Variants in STAG1 observed in about 807,000 individuals in gnomAD.
The protein encoded by STAG1 is STAG1 cohesin complex component.
Under a neutral mutation model 170.9 loss-of-function variants are expected in STAG1, and 26 were observed. The observed-to-expected ratio is 0.15, with a 90% CI of 0.11 to 0.21. The LOEUF (loss-of-function observed/expected upper bound fraction) is 0.21. Among genes scored for constraint, STAG1 ranks in the 10% least tolerant of loss-of-function variants. The pLI, the probability that STAG1 is intolerant of heterozygous loss-of-function variation, is 1.00. For missense variants in STAG1, 964 were observed against 1,509.5 expected (o/e 0.64, Z 5.99); for synonymous variants, 514 against 497.7 (o/e 1.03, Z -0.44).
At chr3:136,340,311 G>C (rs1417083644) in intron 32 of STAG1, among the ~76,000 whole-genome samples, 180 bp downstream of exon 32, 1 of 152,046 alleles carries the variant, frequency 6.6e-6, no homozygotes, top group Non-Finnish European at 1.5e-5. Flanking sequence ...TAGTAGAGAC[G>C]GGGTTTCTCC....
At chr3:136,467,301 G>A (rs528040760) in intron 12 of STAG1, among the ~76,000 whole-genome samples, 18 of 152,138 alleles carry the variant, frequency 1.2e-4, no homozygotes, top group Non-Finnish European at 2.2e-4. Flanking sequence ...GCAAAATAAA[G>A]GGATGGAGGA....
At chr3:136,501,497 T>C (rs1403746395) in intron 8 of STAG1, among the ~76,000 whole-genome samples, 1 of 152,116 alleles carries the variant, frequency 6.6e-6, no homozygotes, top group East Asian at 1.9e-4. Context: ...AAGAATGTCA[T>C]GCAAAGATTG....
chr3:136,707,967 G>A (rs1943272052), intron 1 of STAG1, among the ~76,000 whole-genome samples: 1 of 152,076 alleles, frequency 6.6e-6, no homozygotes, highest in African/African-American at 2.4e-5. Flanking sequence ...ATAGCAGGCG[G>A]CTATATTTTT....
chr3:136,500,555 G>A (rs1490669821), intron 8 of STAG1, among the ~76,000 whole-genome samples: 1 of 152,180 alleles, frequency 6.6e-6, no homozygotes, highest in Non-Finnish European at 1.5e-5. Flanking sequence ...GTATAGCTAA[G>A]TGTGGTCAGA....
chr3:136,363,447 A>G lies in STAG1; in HGVS notation c.2706T>C (p.Asp902=), dbSNP rs1230875556. ...HYMKYYNDYG[D]IIKETLSKTR... ...TTTTACTCAGTGTTTCCTTAATAAT[A>G]TCACCATAGTCATTGTAATACTGTG... Residue 902 remains aspartate (D), a synonymous_variant, in exon 26 of 34, where the codon GAT becomes GAC. Transcript: ENST00000383202. 1.3e-6 allele frequency: 2 copies of G among 1,567,980 alleles called. No homozygotes were observed. The highest frequency in any genetic ancestry group is 4.5e-5 in the East Asian group (2 of 44,098).
At position 136,340,572 on chromosome 3, in the gene STAG1, G is replaced by C; in HGVS notation, c.3591C>G (p.Ile1197Met). Residue 1197 changes from isoleucine to methionine, a missense_variant, in exon 32 of 34, where the codon ATC becomes ATG. This residue lies in a region of STAG1 where 59 missense variants were observed against 104.2 expected (regional missense o/e 0.57). Coordinates refer to ENST00000383202, the MANE Select transcript of STAG1 (RefSeq NM_005862.3). ...GGGATGACATCATCACATCTTCAAA[G>C]ATGGGCTCAGCATCTTCCTCCATTA... ...RGLMEEDAEP[I>M]FEDVMMSSRS... The C allele has an allele frequency of 2.5e-6, 4 of 1,613,896 alleles. No individual in the cohort carries two copies. The highest frequency in any genetic ancestry group is 3.4e-6 in the Non-Finnish European group (4 of 1,179,800).
chr3:136,461,585 G>A (rs556379445), intron 13 of STAG1, among the ~76,000 whole-genome samples: 3 of 144,992 alleles, frequency 2.1e-5, no homozygotes, highest in African/African-American at 7.6e-5. Flanking sequence ...GCAAGACTCC[G>A]TCTTGAAAAA....
chr3:136,679,612 C>G (rs929988777), intron 1 of STAG1, among the ~76,000 whole-genome samples: 2 of 151,820 alleles, frequency 1.3e-5, no homozygotes, highest in Admixed American at 1.3e-4. Flanking sequence ...GCCTGTAGTC[C>G]CAGCTACTCG....
chr3:136,543,798 A>G (rs528490789), intron 5 of STAG1, among the ~76,000 whole-genome samples: 3 of 152,332 alleles, frequency 2.0e-5, no homozygotes, highest in South Asian at 2.1e-4. Flanking sequence ...AATAAGGATG[A>G]TAAGAGAATT....
chr3:136,488,788 C>CTA (rs1362365244), intron 9 of STAG1, among the ~76,000 whole-genome samples: 2 of 152,162 alleles, frequency 1.3e-5, no homozygotes, highest in African/African-American at 4.8e-5. Flanking sequence ...CAGTGTAAGT[C>CTA]TAAATATCCC....
intron 16 of STAG1, among the ~76,000 whole-genome samples, chr3:136,431,701 CTTGG>C (rs977791403): frequency 4.9e-4 from 75 of 152,244 alleles, no homozygotes; most frequent in Non-Finnish European, 3.2e-4. Flanking sequence ...ATTTGTAATT[CTTGG>C]TTGGCCATTT....
chr3:136,716,270 A>C (rs1176382701), intron 1 of STAG1, among the ~76,000 whole-genome samples: 3 of 151,892 alleles, frequency 2.0e-5, no homozygotes. Context: ...CAGCCTGACT[A>C]ACATATAGTG....
intron 7 of STAG1, among the ~76,000 whole-genome samples, chr3:136,519,880 T>C (rs1043581424): frequency 1.3e-5 from 2 of 152,110 alleles, no homozygotes; most frequent in African/African-American, 4.8e-5. Flanking sequence ...TTCAACAAAT[T>C]ATATTTTTAA....
At chr3:136,529,874 A>T (rs1935282358) in intron 6 of STAG1, among the ~76,000 whole-genome samples, 1 of 152,254 alleles carries the variant, frequency 6.6e-6, no homozygotes, top group African/African-American at 2.4e-5. Context: ...TGACAGGAAC[A>T]AAGGGTCACA....
chr3:136,613,986 G>A (rs1014690091), intron 3 of STAG1, among the ~76,000 whole-genome samples: 46 of 152,166 alleles, frequency 3.0e-4, no homozygotes, highest in African/African-American at 9.6e-4. Flanking sequence ...AGGCTGATGC[G>A]GATGGATTAG....
At chr3:136,339,158 G>A (rs935424000) in intron 32 of STAG1, among the ~76,000 whole-genome samples, 3 of 152,270 alleles carry the variant, frequency 2.0e-5, no homozygotes, top group African/African-American at 7.2e-5. Context: ...GACAAAGGAA[G>A]AAGGCAGCCA....
chr3:136,467,271 A>C (rs545646855), intron 12 of STAG1, among the ~76,000 whole-genome samples: 1 of 152,148 alleles, frequency 6.6e-6, no homozygotes. Context: ...CCCATCTCAC[A>C]TGCAGAGACA....
At chr3:136,670,361 G>A (rs1387412232) in intron 1 of STAG1, among the ~76,000 whole-genome samples, 4 of 152,150 alleles carry the variant, frequency 2.6e-5, no homozygotes, top group Non-Finnish European at 4.4e-5. Context: ...AGCTCCTGTA[G>A]AACTCATGCA....
intron 5 of STAG1, among the ~76,000 whole-genome samples, chr3:136,566,622 T>C (rs1390518459): frequency 6.6e-6 from 1 of 152,210 alleles, no homozygotes; most frequent in East Asian, 1.9e-4. Flanking sequence ...AAAATCTTAA[T>C]ACACTTTGTT....
Sources: gnomAD v4.1 joint callset for allele counts (sites outside exome capture counted in the v4.1 genomes callset) on GRCh38, gnomAD v4.1.1 for gene constraint, gnomAD v4.1.1 regional missense constraint, MANE v1.5 for transcripts, NCBI Gene and HGNC (gene_info 2026-07-23, HGNC 2026-07-21) for gene names.